Variants in RHBDD1 observed in about 807,000 individuals in gnomAD.
RHBDD1 encodes rhomboid-related protein 4.
A neutral mutation model predicts 36.3 loss-of-function variants in RHBDD1; 38 were observed. The ratio of observed to expected loss-of-function variants is 1.05; its 90% CI spans 0.81 to 1.37. The LOEUF is 1.37. Among genes scored for constraint, RHBDD1 ranks in the 40% most tolerant of loss-of-function variants. The probability of loss-of-function intolerance (pLI) is 0.00; values close to 1 mark genes in which losing one functional copy is unlikely to be tolerated. For missense variants in RHBDD1, 393 were observed against 377.6 expected (o/e 1.04, Z -0.34); for synonymous variants, 151 against 136.5 (o/e 1.11, Z -0.74).
At chr2:226,885,449 G>A (rs1218272158) in intron 5 of RHBDD1, among the ~76,000 whole-genome samples, 1 of 152,086 alleles carries the variant, frequency 6.6e-6, no homozygotes, top group African/African-American at 2.4e-5. Context: ...AATAAATCAT[G>A]TTGTACATCA....
At chr2:226,846,172 G>T (rs1231100414) in intron 3 of RHBDD1, among the ~76,000 whole-genome samples, 1 of 152,166 alleles carries the variant, frequency 6.6e-6, no homozygotes, top group East Asian at 1.9e-4. Context: ...AGTGTTGCTT[G>T]TGTCCTGGAA....
chr2:226,932,468 C>G (rs1950083548), intron 8 of RHBDD1, among the ~76,000 whole-genome samples: 1 of 152,036 alleles, frequency 6.6e-6, no homozygotes, highest in Non-Finnish European at 1.5e-5. Flanking sequence ...AATAGTTACT[C>G]TGGACACATC....
intron 8 of RHBDD1, among the ~76,000 whole-genome samples, chr2:226,978,050 C>G (rs976966502): frequency 6.6e-5 from 10 of 152,118 alleles, no homozygotes; most frequent in Non-Finnish European, 1.5e-4. Flanking sequence ...GTGTAGTGTC[C>G]TCACTGGAGC....
chr2:226,918,106 C>T (rs1032887636), intron 8 of RHBDD1, among the ~76,000 whole-genome samples: 6 of 151,876 alleles, frequency 4.0e-5, no homozygotes, highest in African/African-American at 1.4e-4. Context: ...TATAAGTGAC[C>T]AGTGTGCATC....
chr2:226,850,270 A>G (rs1942677578), intron 3 of RHBDD1, among the ~76,000 whole-genome samples: 2 of 152,180 alleles, frequency 1.3e-5, no homozygotes, highest in African/African-American at 2.4e-5. Flanking sequence ...CACTTGAGCA[A>G]ACACCTAAAG....
In RHBDD1 at chr2:226,912,812, A is replaced by C. The variant is rs1453439673; in HGVS notation, c.713-1396A>C. ...TGATGGTGCAACTCTAAAATATACT[A>C]AAAACCACTGAGTTGTACACTTTAA... On this transcript the variant is annotated intron_variant, in intron 7 of 8. Transcript: ENST00000392062. Among the ~76,000 whole-genome samples the C allele has an allele frequency of 4.6e-5, 7 of 152,212 alleles. No individual in the cohort carries two copies. In the South Asian group the frequency reaches 1.4e-3, roughly 32 times the overall value.
intron 5 of RHBDD1, among the ~76,000 whole-genome samples, chr2:226,881,956 C>T (rs1418833983): frequency 3.3e-5 from 5 of 152,160 alleles, no homozygotes; most frequent in African/African-American, 1.2e-4. Context: ...ATCACAAATA[C>T]CAAGTAGTTC....
intron 8 of RHBDD1, among the ~76,000 whole-genome samples, chr2:226,924,442 G>T (rs1460010333): frequency 6.6e-6 from 1 of 152,168 alleles, no homozygotes; most frequent in Non-Finnish European, 1.5e-5. Context: ...CTGGGAAATA[G>T]TCTCTTCCAG....
chr2:226,962,481 T>C (rs753275595), intron 8 of RHBDD1, among the ~76,000 whole-genome samples: 2 of 152,264 alleles, frequency 1.3e-5, no homozygotes, highest in East Asian at 3.8e-4. Flanking sequence ...TTGCTAATTA[T>C]GTTACTCTGC....
At chr2:226,813,104 G>T in the RHBDD1 span, among the ~76,000 whole-genome samples, 1 of 152,128 alleles carries the variant, frequency 6.6e-6, no homozygotes, top group East Asian at 1.9e-4. Context: ...AAGTGACTTT[G>T]CTATAATATC....
At chr2:226,801,083 C>T in the RHBDD1 span, among the ~76,000 whole-genome samples, 1 of 152,228 alleles carries the variant, frequency 6.6e-6, no homozygotes, top group South Asian at 2.1e-4. Flanking sequence ...ATGCCTGGCC[C>T]GTTTGGGGTT....
chr2:226,802,809 A>C, the RHBDD1 span, among the ~76,000 whole-genome samples: 1 of 152,238 alleles, frequency 6.6e-6, no homozygotes, highest in East Asian at 1.9e-4. Context: ...TGATGTCACT[A>C]ATACAGTCCT....
intron 5 of RHBDD1, among the ~76,000 whole-genome samples, chr2:226,872,690 A>G (rs190975330): frequency 6.6e-6 from 1 of 152,244 alleles, no homozygotes; most frequent in South Asian, 2.1e-4. Context: ...TTCTTCATTG[A>G]TCTACTTTGT....
At chr2:226,903,522 A>T (rs540660315) in intron 5 of RHBDD1, among the ~76,000 whole-genome samples, 1 of 152,300 alleles carries the variant, frequency 6.6e-6, no homozygotes, top group East Asian at 1.9e-4. Context: ...GTCTGCAGAT[A>T]ATGGGGGGTG....
chr2:226,969,414 T>TA (rs1953016871), intron 8 of RHBDD1, among the ~76,000 whole-genome samples: 1 of 150,654 alleles, frequency 6.6e-6, no homozygotes, highest in African/African-American at 2.5e-5. Flanking sequence ...TTTTTTTTTT[T>TA]AAGGAAGTAG....
chr2:226,973,916 T>C (rs1954056377), intron 8 of RHBDD1, among the ~76,000 whole-genome samples: 1 of 152,166 alleles, frequency 6.6e-6, no homozygotes, highest in Admixed American at 6.5e-5. Flanking sequence ...CCTGAGAATC[T>C]CCTTTTCGTT....
In RHBDD1 at chr2:226,995,701, C is replaced by CG. The variant is rs1959182450; in HGVS notation, c.*183dup. On this transcript the variant is annotated 3_prime_UTR_variant, in exon 9 of 9. Transcript: ENST00000392062. The stretch of plus-strand genomic sequence containing the variant: ...CCCCTATGAGTCAACTCACAGCTTG[C>CG]GGGGAGTGGGCCTTCTCCTGGCCTT... 1.7e-6 allele frequency: 1 copy of CG among 601,268 alleles called. No individual in the cohort carries two copies. The highest frequency in any genetic ancestry group is 3.0e-6 in the Non-Finnish European group (1 of 335,702). 37.2% of individuals were successfully genotyped at this position (601,268 alleles called of 1,614,324 possible). A position where few individuals can be genotyped will look rare whatever the true frequency, so the allele number is the denominator to read the frequency against.
At chr2:226,927,242 T>G (rs1462487105) in intron 8 of RHBDD1, among the ~76,000 whole-genome samples, 2 of 151,332 alleles carry the variant, frequency 1.3e-5, no homozygotes, top group Non-Finnish European at 2.9e-5. Context: ...CTGAGCAAAG[T>G]TTATTTGTTA....
the RHBDD1 span, among the ~76,000 whole-genome samples, chr2:226,805,274 G>A: frequency 3.3e-5 from 5 of 152,174 alleles, no homozygotes; most frequent in South Asian, 2.1e-4. Context: ...GTGCAGTGGC[G>A]CCGTCTCGGC....
Sources: allele counts gnomAD v4.1 joint callset (sites outside exome capture counted in the v4.1 genomes callset), GRCh38; gene constraint gnomAD v4.1.1; transcripts MANE v1.5; gene names NCBI Gene and HGNC (gene_info 2026-07-23, HGNC 2026-07-21).